TRPM6: variants seen among roughly 807,000 people sequenced by gnomAD.
The protein encoded by TRPM6 is transient receptor potential cation channel subfamily M member 6.
A neutral mutation model predicts 247.6 loss-of-function variants in TRPM6; 111 were observed. The ratio of observed to expected loss-of-function variants is 0.45; its 90% CI spans 0.38 to 0.52. The LOEUF is 0.52. Among genes scored for constraint, TRPM6 ranks in the 20% least tolerant of loss-of-function variants. The probability of loss-of-function intolerance (pLI) is 0.00; values close to 1 mark genes in which losing one functional copy is unlikely to be tolerated. For synonymous variants in TRPM6, 892 were observed against 853.8 expected, an observed-to-expected ratio of 1.04 and a Z score of -0.78; for missense variants, 2,126 against 2,421.5, an observed-to-expected ratio of 0.88 and a Z score of 2.56.
intron 1 of TRPM6, chr9:74,887,598 C>T: frequency 6.6e-7 from 1 of 1,525,630 alleles, no homozygotes; most frequent in Non-Finnish European, 8.8e-7. Context: ...GAAACGGGGG[C>T]TGCGGGACCT....
Position 74,797,507 on chromosome 9 carries a change from ATTGAT to A in TRPM6, c.2239-619_2239-615del, listed in dbSNP as rs368341578. Among the ~76,000 whole-genome samples, 47 of 152,296 alleles carry A rather than the reference ATTGAT, an allele frequency of 3.1e-4. 2 individuals carry two copies. Among genetic ancestry groups the A allele is most frequent in the South Asian group, 8.3e-4 (4 of 4,832 alleles). ...AATGCTATATAAATAGTTGTACTAT[ATTGAT>A]TTTTCATTTGTATAACTTTTATTGT... On this transcript the variant is annotated intron_variant, in intron 17 of 38. Transcript: ENST00000360774.
intron 1 of TRPM6, among the ~76,000 whole-genome samples, chr9:74,885,596 T>G (rs1831507242): frequency 6.6e-6 from 1 of 152,212 alleles, no homozygotes; most frequent in Non-Finnish European, 1.5e-5. Context: ...TCATAATATC[T>G]TACCTAACAG....
chr9:74,781,453 T>A (rs1827442499), intron 23 of TRPM6, among the ~76,000 whole-genome samples: 1 of 146,272 alleles, frequency 6.8e-6, no homozygotes, highest in Non-Finnish European at 1.5e-5. Context: ...GGAGAATTGC[T>A]TGAACCCAGG....
intron 24 of TRPM6, among the ~76,000 whole-genome samples, chr9:74,773,566 G>T (rs1827120911): frequency 6.6e-6 from 1 of 152,128 alleles, no homozygotes; most frequent in South Asian, 2.1e-4. Flanking sequence ...TTGCCTAATA[G>T]AATAATATAC....
chr9:74,823,436 A>G (rs1193164411), intron 7 of TRPM6, among the ~76,000 whole-genome samples: 4 of 152,230 alleles, frequency 2.6e-5, no homozygotes, highest in African/African-American at 9.6e-5. Flanking sequence ...CTAGACGTAT[A>G]GTATGTGGTC....
intron 3 of TRPM6, among the ~76,000 whole-genome samples, chr9:74,852,374 A>T (rs966227619): frequency 1.3e-4 from 18 of 136,654 alleles, no homozygotes; most frequent in African/African-American, 3.7e-4. Flanking sequence ...TTCTTTCAAT[A>T]AAAAAAAAAA....
intron 1 of TRPM6, among the ~76,000 whole-genome samples, chr9:74,859,506 C>T (rs190166945): frequency 6.4e-4 from 98 of 152,332 alleles, no homozygotes; most frequent in African/African-American, 2.0e-3. Context: ...GGCGTGGTGG[C>T]TCATGCCTGT....
chr9:74,832,357 C>T (rs983618291), intron 6 of TRPM6, among the ~76,000 whole-genome samples: 1 of 151,886 alleles, frequency 6.6e-6, no homozygotes. Context: ...ATATATGAAA[C>T]TTTTTTGGAT....
rs184768609 is a variant in TRPM6, at chr9:74,790,612, T to G, written c.2539-1870A>C. ...GTCAGTATTGATGTTTGGCAACGTC[T>G]TCTTCTCACCGCCCCTCTGCTGCCT... On this transcript the variant is annotated intron_variant, in intron 19 of 38. Transcript: ENST00000360774. Among the ~76,000 whole-genome samples the G allele has an allele frequency of 8.5e-5, 13 of 152,312 alleles. No homozygotes were observed. The East Asian group carries it at 1.3e-3, about 16-fold the overall frequency.
At chr9:74,726,091 CTCT>C (rs1283992597) in intron 38 of TRPM6, among the ~76,000 whole-genome samples, 1 of 152,172 alleles carries the variant, frequency 6.6e-6, no homozygotes, top group Non-Finnish European at 1.5e-5. Flanking sequence ...CCAGACAAAA[CTCT>C]TTTTTTATTT....
chr9:74,754,247 G>A (rs1325697671), intron 28 of TRPM6, among the ~76,000 whole-genome samples: 3 of 152,038 alleles, frequency 2.0e-5, no homozygotes, highest in Non-Finnish European at 4.4e-5. Flanking sequence ...ATAAATTGAG[G>A]GGGTGCTGAC....
Position 74,862,096 on chromosome 9 carries a change from GAA to G in TRPM6, c.34-3350_34-3349del, listed in dbSNP as rs577562437. Among the ~76,000 whole-genome samples the G allele has an allele frequency of 4.1e-3, 411 of 100,532 alleles. 1 individual carries two copies. Among genetic ancestry groups the G allele is most frequent in the African/African-American group, 0.015 (381 of 25,060 alleles). 66.0% of individuals were successfully genotyped at this position (100,532 alleles called of 152,430 possible). On this transcript the variant is annotated intron_variant, in intron 1 of 38. Transcript: ENST00000360774. ...CGGTTATCTTATCTCAAAACTACCA[GAA>G]AAAAAAAAAAAAAAAAAAAGCAGCC...
rs1305144595 is a variant in TRPM6 at position 74,840,110 on chromosome 9, G to C, written c.458C>G (p.Ser153Cys). ...HGGIQNFTMPSKFKEIFSQGL... is the reference protein window; with the variant it reads ...HGGIQNFTMPCKFKEIFSQGL... ...TTGGCTGAAAATCTCTTTAAATTTA[G>C]AGGGCATAGTAAAGTTCTGGATGCC... Residue 153 changes from serine (S) to cysteine (C), a missense_variant, in exon 5 of 39, where the codon TCT (serine) becomes TGT (cysteine). By Grantham distance (112) the Ser-to-Cys change is moderately radical. Around this residue, in one of 3 missense-constraint regions of TRPM6, gnomAD observed 1,082 missense variants for 1,307.9 expected, o/e 0.83. Coordinates refer to ENST00000360774, the MANE Select transcript of TRPM6 (RefSeq NM_017662.5). 1 of 1,613,986 alleles carries C rather than the reference G, an allele frequency of 6.2e-7. No homozygotes were observed. The highest frequency in any genetic ancestry group is 1.3e-5 in the African/African-American group (1 of 74,898).
chr9:74,755,499 C>CA, intron 27 of TRPM6, 26 bp from the exon 28 acceptor site: 1 of 1,613,640 alleles, frequency 6.2e-7, no homozygotes, highest in Non-Finnish European at 8.5e-7. Context: ...CTTGTTGGAA[C>CA]ACAGTGACAT....
chr9:74,782,902 C>T, intron 21 of TRPM6, 49 bp from the exon 22 acceptor site: 1 of 1,560,370 alleles, frequency 6.4e-7, no homozygotes, highest in South Asian at 1.1e-5. Flanking sequence ...ATTTGAAGTT[C>T]AAAAGAAACC....
chr9:74,887,247 A>C, intron 1 of TRPM6: 2 of 1,276,008 alleles, frequency 1.6e-6, no homozygotes, highest in Non-Finnish European at 2.0e-6. Context: ...CGGCGCTGTC[A>C]TCGCTCCGGG....
chr9:74,814,908 A>G lies in TRPM6; in HGVS notation c.1308+1761T>C, dbSNP rs1361766366. 4.6e-5 allele frequency among the ~76,000 whole-genome samples: 7 copies of G among 152,280 alleles called. No individual in the cohort carries two copies. In the East Asian group the frequency reaches 1.3e-3, roughly 29 times the overall value. On this transcript the variant is annotated intron_variant, in intron 11 of 38. Coordinates refer to ENST00000360774, the MANE Select transcript of TRPM6 (RefSeq NM_017662.5). ...GGTTGAAGTGAGCCGAGATCATGCA[A>G]CTGCACTCCAGTATAGGTGACAGAG...
chr9:74,732,724 T>C lies in TRPM6; in HGVS notation c.5789A>G (p.Asn1930Ser). The change falls in exon 37 of 39, where the codon AAT becomes AGT. Residue 1930 changes from asparagine (N) to serine (S), a missense_variant. Asn to Ser is a conservative substitution (Grantham distance 46). Coordinates refer to ENST00000360774, the MANE Select transcript of TRPM6 (RefSeq NM_017662.5). ...TTTTATAACAGATGGATCTGTCAAA[T>C]TTTCTCCAACACCTCAAAAGAAGAA... ...LVLDLQGVGE[N>S]LTDPSVIKPE... 6.2e-7 allele frequency: 1 copy of C among 1,609,496 alleles called. No homozygotes were observed. The highest frequency in any genetic ancestry group is 8.5e-7 in the Non-Finnish European group (1 of 1,177,784).
In TRPM6 at chr9:74,785,908, T is replaced by C. The variant is rs1413869030; in HGVS notation, c.2885A>G (p.His962Arg). Residue 962 changes from histidine (H) to arginine (R), a missense_variant, in exon 21 of 39, where the codon CAT becomes CGT. Around this residue, in one of 3 missense-constraint regions of TRPM6, gnomAD observed 1,082 missense variants for 1,307.9 expected, o/e 0.83. Transcript: ENST00000360774. ...AATCATGGTCACATATGGACCTGCA[T>C]GTTGATTCACAGCAAAGAAGTCCAG... ...RLLDFFAVNQ[H>R]AGPYVTMIAK... The C allele has an allele frequency of 6.2e-7, 1 of 1,614,234 alleles. No homozygotes were observed.
Sources: gnomAD v4.1 joint callset for allele counts (sites outside exome capture counted in the v4.1 genomes callset) on GRCh38, gnomAD v4.1.1 for gene constraint, gnomAD v4.1.1 regional missense constraint, MANE v1.5 for transcripts, NCBI Gene and HGNC (gene_info 2026-07-23, HGNC 2026-07-21) for gene names.